Variants in RIF1 observed in about 807,000 individuals in gnomAD.
RIF1 encodes replication timing regulatory factor 1.
Under a neutral mutation model 247.1 loss-of-function variants are expected in RIF1, and 45 were observed. The observed-to-expected ratio is 0.18, with a 90% CI of 0.14 to 0.23. The LOEUF is 0.23. Among genes scored for constraint, RIF1 ranks in the 10% least tolerant of loss-of-function variants. The pLI, the probability that RIF1 is intolerant of heterozygous loss-of-function variation, is 1.00. For synonymous variants in RIF1, 1,087 were observed against 978.8 expected (o/e 1.11, Z -2.06); for missense variants, 2,967 against 2,862.5 (o/e 1.04, Z -0.83).
At chr2:151,517,081 T>C in the RIF1 span, among the ~76,000 whole-genome samples, 2 of 152,236 alleles carry the variant, frequency 1.3e-5, no homozygotes, top group African/African-American at 2.4e-5. Context: ...ACTGGCCATA[T>C]ATTTAATGCA....
At chr2:151,496,207 GTAT>G (rs1018276843) in intron 10 of RIF1, 8 of 1,399,592 alleles carry the variant, frequency 5.7e-6, no homozygotes, top group Non-Finnish European at 7.9e-6. Context: ...GGATTAATAT[GTAT>G]TATTTTAAAT....
intron 9 of RIF1, among the ~76,000 whole-genome samples, chr2:151,431,853 G>T (rs1260399353): frequency 6.6e-6 from 1 of 152,176 alleles, no homozygotes; most frequent in Non-Finnish European, 1.5e-5. Context: ...AAGTGTCTTG[G>T]ACTGGAGAAC....
At chr2:151,533,479 A>G in the RIF1 span, 12 of 1,551,666 alleles carry the variant, frequency 7.7e-6, no homozygotes, top group African/African-American at 1.2e-4. Flanking sequence ...AGCAGTCAAC[A>G]TATCTGGACG....
At chr2:151,457,350 T>C (rs1695376244) in intron 23 of RIF1, among the ~76,000 whole-genome samples, 1 of 152,190 alleles carries the variant, frequency 6.6e-6, no homozygotes, top group Non-Finnish European at 1.5e-5. Flanking sequence ...CTCAAATTCC[T>C]GAGCTCAAGC....
chr2:151,508,159 G>A (rs2070840977), downstream of RIF1: 2 of 1,286,148 alleles, frequency 1.6e-6, no homozygotes, highest in African/African-American at 3.0e-5. Context: ...CAGGGATATA[G>A]GCCAATGGGA....
At chr2:151,514,795 A>G in the RIF1 span, 24 of 1,481,396 alleles carry the variant, frequency 1.6e-5, no homozygotes, top group African/African-American at 1.8e-4. Flanking sequence ...TAAGAGGGAA[A>G]GAAAAGACCA....
At chr2:151,466,809 T>C (rs993757009) in intron 30 of RIF1, among the ~76,000 whole-genome samples, 3 of 152,272 alleles carry the variant, frequency 2.0e-5, no homozygotes, top group African/African-American at 7.2e-5. Flanking sequence ...AGGTATGATG[T>C]TGGCATTCCT....
At chr2:151,418,950 T>A (rs2152134050) in intron 6 of RIF1, among the ~76,000 whole-genome samples, 1 of 150,572 alleles carries the variant, frequency 6.6e-6, no homozygotes, top group East Asian at 2.0e-4. Context: ...TAGATCCTTA[T>A]TCTAGGAGCC....
rs1201695617 is a variant in RIF1, at chr2:151,480,373, G to T, written c.*5302G>T. 1 of 152,142 alleles carries T rather than the reference G, an allele frequency of 6.6e-6. No homozygotes were observed. The highest frequency in any genetic ancestry group is 1.5e-5 in the Non-Finnish European group (1 of 68,004). The allele number at this position is 152,142 out of a possible 1,614,324, so 9.4% of individuals were successfully genotyped here. The stretch of plus-strand genomic sequence containing the variant: ...GATAGAAGTTGATGCACTGAGAAGT[G>T]ATGAGTTGAAGAGAATGGAAAAGGC... On this transcript the variant is annotated 3_prime_UTR_variant, in exon 36 of 36. Transcript: ENST00000444746.
chr2:151,490,214 A>C (rs902218572), intron 9 of RIF1: 1 of 1,162,966 alleles, frequency 8.6e-7, no homozygotes, highest in African/African-American at 1.6e-5. Context: ...AAAATGAAAC[A>C]TCTAACTTCA....
chr2:151,428,945 T>C, intron 9 of RIF1, 23 bp downstream of exon 9: 1 of 1,364,512 alleles, frequency 7.3e-7, no homozygotes, highest in Non-Finnish European at 1.0e-6. Context: ...TTAACAATTT[T>C]GATTTTCTGT....
At chr2:151,435,911 A>G (rs1394699446) in intron 11 of RIF1, among the ~76,000 whole-genome samples, 3 of 152,070 alleles carry the variant, frequency 2.0e-5, no homozygotes, top group East Asian at 1.9e-4. Context: ...TTTTAGAACC[A>G]GAATCTTAGC....
Position 151,416,794 on chromosome 2 carries a change from G to A in RIF1, c.409-13G>A. On this transcript the variant is annotated splice_polypyrimidine_tract_variant and intron_variant, in intron 5 of 35. Transcript: ENST00000444746. ...GGCTTATTTCATTTGTATTTATTTGGTTCGTTTTTTAGGTATCCAGTATAA... is the reference window on the plus strand; with the variant it reads ...GGCTTATTTCATTTGTATTTATTTGATTCGTTTTTTAGGTATCCAGTATAA... 1.2e-6 allele frequency: 2 copies of A among 1,603,948 alleles called. No individual in the cohort carries two copies. Among genetic ancestry groups the A allele is most frequent in the Non-Finnish European group, 1.7e-6 (2 of 1,175,072 alleles).
intron 13 of RIF1, among the ~76,000 whole-genome samples, chr2:151,438,191 T>C (rs1161088105): frequency 2.6e-5 from 4 of 152,186 alleles, no homozygotes; most frequent in Non-Finnish European, 5.9e-5. Flanking sequence ...AAGGAACACA[T>C]TTATGGCTGG....
Position 151,479,068 on chromosome 2 carries a change from C to T in RIF1, c.*3997C>T, listed in dbSNP as rs1218564315. 1 of 152,102 alleles carries T rather than the reference C, an allele frequency of 6.6e-6. No individual in the cohort carries two copies. Among genetic ancestry groups the T allele is most frequent in the African/African-American group, 2.4e-5 (1 of 41,422 alleles). 9.4% of individuals were successfully genotyped at this position (152,102 alleles called of 1,614,324 possible). A position where few individuals can be genotyped will look rare whatever the true frequency, so the allele number is the denominator to read the frequency against. On this transcript the variant is annotated 3_prime_UTR_variant, in exon 36 of 36. Coordinates refer to ENST00000444746, the MANE Select transcript of RIF1 (RefSeq NM_018151.5). ...GATTCAGTAGATCTGCATTGGGCCC[C>T]GTGAGTCTTTTTAAACACAGTCCCA...
chr2:151,451,474 A>G, intron 20 of RIF1, 132 bp from the exon 21 acceptor site: 1 of 619,134 alleles, frequency 1.6e-6, no homozygotes, highest in Non-Finnish European at 3.0e-6. Context: ...CACTTAATGT[A>G]CTGTAAGCTG....
At chr2:151,496,545 A>T (rs1425502301) in intron 10 of RIF1, among the ~76,000 whole-genome samples, 2 of 152,162 alleles carry the variant, frequency 1.3e-5, no homozygotes, top group African/African-American at 4.8e-5. Context: ...TGGGATGGGG[A>T]ATCTGCACCC....
chr2:151,510,558 G>A (rs1360397561), downstream of RIF1, among the ~76,000 whole-genome samples: 2 of 152,180 alleles, frequency 1.3e-5, no homozygotes, highest in East Asian at 3.9e-4. Context: ...TCAAAAATAA[G>A]AGTACATTAC....
chr2:151,410,273 T>C (rs1358106230), intron 1 of RIF1, 141 bp from the exon 2 acceptor site: 3 of 671,164 alleles, frequency 4.5e-6, no homozygotes, highest in Non-Finnish European at 7.8e-6. Flanking sequence ...GGTTTGGTGA[T>C]TCGGAGGCCT....
Sources: gnomAD v4.1 joint callset for allele counts (sites outside exome capture counted in the v4.1 genomes callset) on GRCh38, gnomAD v4.1.1 for gene constraint, MANE v1.5 for transcripts, NCBI Gene and HGNC (gene_info 2026-07-23, HGNC 2026-07-21) for gene names.